Variants in SYNDIG1 observed in about 807,000 individuals in gnomAD.
SYNDIG1 encodes synapse differentiation inducing 1.
A neutral mutation model predicts 19.4 loss-of-function variants in SYNDIG1; 9 were observed. That is an observed-to-expected ratio of 0.46 (90% confidence interval 0.28 to 0.81). The LOEUF (loss-of-function observed/expected upper bound fraction) is 0.81, where lower values mean the gene tolerates loss of function less well. SYNDIG1 is among the 30% of genes least tolerant of loss of function. The pLI is 0.12. For missense variants in SYNDIG1, 311 were observed against 343.3 expected, an observed-to-expected ratio of 0.91 and a Z score of 0.74; for synonymous variants, 141 against 145.9, an observed-to-expected ratio of 0.97 and a Z score of 0.24.
chr20:24,630,138 A>G (rs1181579108), intron 3 of SYNDIG1, among the ~76,000 whole-genome samples: 1 of 152,248 alleles, frequency 6.6e-6, no homozygotes, highest in Non-Finnish European at 1.5e-5. Context: ...TAGTTAATTC[A>G]CAAAGGCAGA....
At chr20:24,567,792 G>A (rs1342279639) in intron 2 of SYNDIG1, among the ~76,000 whole-genome samples, 1 of 152,222 alleles carries the variant, frequency 6.6e-6, no homozygotes, top group Non-Finnish European at 1.5e-5. Context: ...TGGCCCATGT[G>A]ATGTGCGTAT....
chr20:24,556,305 AT>A (rs1194583196), intron 2 of SYNDIG1, among the ~76,000 whole-genome samples: 1 of 152,192 alleles, frequency 6.6e-6, no homozygotes, highest in Non-Finnish European at 1.5e-5. Flanking sequence ...GTCCATTTAC[AT>A]TTAAAGTTGA....
chr20:24,483,850 C>A (rs1010274542), intron 1 of SYNDIG1, among the ~76,000 whole-genome samples: 1 of 152,130 alleles, frequency 6.6e-6, no homozygotes, highest in Admixed American at 6.5e-5. Context: ...TTGCTTGACA[C>A]GGTGCAAGTG....
chr20:24,656,841 T>C (rs2059530326), intron 3 of SYNDIG1, among the ~76,000 whole-genome samples: 2 of 152,188 alleles, frequency 1.3e-5, no homozygotes, highest in Non-Finnish European at 2.9e-5. Flanking sequence ...GAATCTCATA[T>C]TGAGATGTAA....
intron 3 of SYNDIG1, among the ~76,000 whole-genome samples, chr20:24,642,744 CTGCT>C (rs1226796584): frequency 6.6e-6 from 1 of 152,080 alleles, no homozygotes; most frequent in East Asian, 1.9e-4. Flanking sequence ...CCGCAAGATG[CTGCT>C]TCAGGTTCAT....
At chr20:24,551,896 T>C (rs987048318) in intron 2 of SYNDIG1, among the ~76,000 whole-genome samples, 3 of 152,198 alleles carry the variant, frequency 2.0e-5, no homozygotes, top group Middle Eastern at 3.2e-3. Context: ...TGTGGCTTAG[T>C]GTCTGATATG....
chr20:24,603,821 CAG>C (rs1480543767), intron 3 of SYNDIG1, among the ~76,000 whole-genome samples: 1 of 152,196 alleles, frequency 6.6e-6, no homozygotes, highest in Admixed American at 6.5e-5. Context: ...TGTGGGGTCA[CAG>C]TGGATACCTG....
At position 24,660,933 on chromosome 20, in the gene SYNDIG1, G is replaced by T. The variant is rs542895858; in HGVS notation, c.619-4413G>T. Among the ~76,000 whole-genome samples the T allele has an allele frequency of 3.9e-5, 6 of 152,360 alleles. No individual in the cohort carries two copies. In the East Asian group the frequency reaches 9.6e-4, roughly 25 times the overall value. On this transcript the variant is annotated intron_variant, in intron 3 of 3. Coordinates refer to ENST00000376862, the MANE Select transcript of SYNDIG1 (RefSeq NM_024893.3). ...GCCGCTTGCCTTTCAGAGTCTCCAGGTAGGAACCGGCTGGTCACCCGCCCG... is the reference window on the plus strand; with the variant it reads ...GCCGCTTGCCTTTCAGAGTCTCCAGTTAGGAACCGGCTGGTCACCCGCCCG...
At chr20:24,534,376 G>T (rs6114759) in intron 1 of SYNDIG1, among the ~76,000 whole-genome samples, 4 of 152,274 alleles carry the variant, frequency 2.6e-5, no homozygotes, top group Admixed American at 2.6e-4. Context: ...GACTCCTGAG[G>T]TTGTCAGCAC....
In SYNDIG1 at chr20:24,665,533, G is replaced by C. The variant is rs370023869; in HGVS notation, c.*29G>C. 1.9e-6 allele frequency: 3 copies of C among 1,613,482 alleles called. No individual in the cohort carries two copies. Among genetic ancestry groups the C allele is most frequent in the Admixed American group, 3.3e-5 (2 of 59,902 alleles). On this transcript the variant is annotated 3_prime_UTR_variant, in exon 4 of 4. Transcript: ENST00000376862. ...TCCTGCGAATGGAGGGGGAGCACCCGGGGCCAGGTCTGTGTGGACGTGGAG... is the reference window on the plus strand; with the variant it reads ...TCCTGCGAATGGAGGGGGAGCACCCCGGGCCAGGTCTGTGTGGACGTGGAG...
At chr20:24,476,691 C>A (rs1483493931) in intron 1 of SYNDIG1, among the ~76,000 whole-genome samples, 20 of 150,942 alleles carry the variant, frequency 1.3e-4, no homozygotes, top group South Asian at 4.2e-4. Flanking sequence ...AACAAACAAA[C>A]AAAAAAAACA....
chr20:24,517,682 G>A (rs993625087), intron 1 of SYNDIG1, among the ~76,000 whole-genome samples: 86 of 137,302 alleles, frequency 6.3e-4, no homozygotes, highest in African/African-American at 2.2e-3. Flanking sequence ...ATGTGTATAT[G>A]TATATATATA....
At chr20:24,503,956 G>GTTTTTT (rs777270289) in intron 1 of SYNDIG1, among the ~76,000 whole-genome samples, 39 of 125,274 alleles carry the variant, frequency 3.1e-4, no homozygotes, top group African/African-American at 1.2e-3. Context: ...GGGAGAGCAG[G>GTTTTTT]TTTTTTTTTT....
At chr20:24,582,537 C>T (rs2058348255) in intron 2 of SYNDIG1, among the ~76,000 whole-genome samples, 1 of 151,122 alleles carries the variant, frequency 6.6e-6, no homozygotes, top group African/African-American at 2.4e-5. Flanking sequence ...CACACCCTCC[C>T]CACTGCTTGT....
At chr20:24,586,703 A>G (rs976873185) in intron 3 of SYNDIG1, among the ~76,000 whole-genome samples, 14 of 152,210 alleles carry the variant, frequency 9.2e-5, no homozygotes, top group Admixed American at 8.5e-4. Flanking sequence ...CACACCCACC[A>G]TCATGGGGCC....
chr20:24,640,387 G>C (rs549944286), intron 3 of SYNDIG1, among the ~76,000 whole-genome samples: 1 of 149,784 alleles, frequency 6.7e-6, no homozygotes, highest in Non-Finnish European at 1.5e-5. Context: ...GAGGAAGGGA[G>C]GGAGAAAAAG....
rs6083573 is a variant in SYNDIG1, at chr20:24,639,692, A to G, written c.619-25654A>G. Among the ~76,000 whole-genome samples, 125 of 152,246 alleles carry G rather than the reference A, an allele frequency of 8.2e-4. 1 individual carries two copies. Among genetic ancestry groups the G allele is most frequent in the Non-Finnish European group, 1.0e-3 (69 of 68,050 alleles). On this transcript the variant is annotated intron_variant, in intron 3 of 3. Coordinates refer to ENST00000376862, the MANE Select transcript of SYNDIG1 (RefSeq NM_024893.3). ...GAAATTTTGGACATTGTGATAAACT[A>G]TGAAAAAACAGGGTGAAAACATCAG...
Position 24,665,711 on chromosome 20 carries a change from C to G in SYNDIG1, c.*207C>G. The stretch of plus-strand genomic sequence containing the variant: ...TAGAGCACCAGACAGACGGGCACTG[C>G]TAATCCTTCCAAAGGAAAGCTCCAA... On this transcript the variant is annotated 3_prime_UTR_variant, in exon 4 of 4. Coordinates refer to ENST00000376862, the MANE Select transcript of SYNDIG1 (RefSeq NM_024893.3). 1 of 607,018 alleles carries G rather than the reference C, an allele frequency of 1.6e-6. No individual in the cohort carries two copies. Among genetic ancestry groups the G allele is most frequent in the Non-Finnish European group, 2.6e-6 (1 of 382,074 alleles). The allele number at this position is 607,018 out of a possible 1,614,324, so 37.6% of individuals were successfully genotyped here.
rs550211051 is a variant in SYNDIG1, at chr20:24,578,648, A to G, written c.481-6208A>G. Among the ~76,000 whole-genome samples the G allele has an allele frequency of 2.0e-5, 3 of 152,284 alleles. No individual in the cohort carries two copies. The South Asian group carries it at 6.2e-4, about 32-fold the overall frequency. ...CGCAAAAGCCTCAAATGAAGTGGGC[A>G]AGCTAGGCACATGTGCATCCTGGCT... On this transcript the variant is annotated intron_variant, in intron 2 of 3. Transcript: ENST00000376862.
Sources: gnomAD v4.1 joint callset for allele counts (sites outside exome capture counted in the v4.1 genomes callset) on GRCh38, gnomAD v4.1.1 for gene constraint, MANE v1.5 for transcripts, NCBI Gene and HGNC (gene_info 2026-07-23, HGNC 2026-07-21) for gene names.